Variants in CELF2 observed in about 807,000 individuals in gnomAD.
CELF2 encodes CUGBP Elav-like family member 2.
CELF2 carries 8 observed loss-of-function variants against 62.6 expected under a neutral mutation model. That is an observed-to-expected ratio of 0.13 (90% confidence interval 0.07 to 0.23). CELF2 has a LOEUF of 0.23. Among genes scored for constraint, CELF2 ranks in the 10% least tolerant of loss-of-function variants. CELF2 has a pLI of 1.00. For synonymous variants in CELF2, 258 were observed against 250.0 expected, an observed-to-expected ratio of 1.03 and a Z score of -0.30; for missense variants, 333 against 671.0, an observed-to-expected ratio of 0.50 and a Z score of 5.56.
chr10:10,760,104 A>T, the CELF2 span, among the ~76,000 whole-genome samples: 1 of 152,066 alleles, frequency 6.6e-6, no homozygotes, highest in Non-Finnish European at 1.5e-5. Context: ...GGGTTTCATC[A>T]TGTTGGCCAG....
chr10:11,321,533 A>G lies in CELF2; in HGVS notation c.1294+147A>G, dbSNP rs1216821016. On this transcript the variant is annotated intron_variant, in intron 11 of 12. Transcript: ENST00000633077. This position sits in a 1 kb window ranked among gnomAD's most constrained non-coding sequence, Gnocchi z 6.2. ...TTATTCATGTTTAAAAAAAAAAAAA[A>G]CTGAAAGCTGGGCATGGTGGCATAC... 2 of 618,746 alleles carry G rather than the reference A, an allele frequency of 3.2e-6. No homozygotes were observed. Among genetic ancestry groups the G allele is most frequent in the Non-Finnish European group, 5.4e-6 (2 of 368,930 alleles). 38.3% of individuals were successfully genotyped at this position (618,746 alleles called of 1,614,324 possible). A position where few individuals can be genotyped will look rare whatever the true frequency, so the allele number is the denominator to read the frequency against.
chr10:10,679,805 T>G, the CELF2 span, among the ~76,000 whole-genome samples: 1 of 152,180 alleles, frequency 6.6e-6, no homozygotes, highest in Admixed American at 6.5e-5. Context: ...CATTGAAAAA[T>G]ACACGATAAA....
chr10:11,125,842 G>C (rs1750726), intron 1 of CELF2, among the ~76,000 whole-genome samples: 1 of 151,968 alleles, frequency 6.6e-6, no homozygotes, highest in Admixed American at 6.6e-5. Flanking sequence ...TATGTCTGCT[G>C]TTTTTCAAAC....
chr10:11,016,032 GA>G (rs547190360), upstream of CELF2, among the ~76,000 whole-genome samples: 13 of 152,230 alleles, frequency 8.5e-5, no homozygotes, highest in African/African-American at 3.1e-4. This position sits in a 1 kb window ranked among gnomAD's most constrained non-coding sequence, Gnocchi z 5.2. Flanking sequence ...TTCTGTTTTG[GA>G]GGCCAAGTCT....
At chr10:11,173,387 G>A (rs2069671638) in intron 2 of CELF2, among the ~76,000 whole-genome samples, 1 of 152,188 alleles carries the variant, frequency 6.6e-6, no homozygotes, top group Admixed American at 6.5e-5. Context: ...AGGCATTCGG[G>A]TTGAAAGGTT....
At chr10:10,600,757 T>A in the CELF2 span, among the ~76,000 whole-genome samples, 1 of 152,164 alleles carries the variant, frequency 6.6e-6, no homozygotes, top group Admixed American at 6.5e-5. Flanking sequence ...TATGTCAAGC[T>A]CAATACATAA....
rs1292298641 is a variant in CELF2 at position 10,990,358 on chromosome 10, G to A, written c.89+70359G>A. On this transcript the variant is annotated intron_variant, in intron 2 of 13. Coordinates refer to the CELF2 transcript ENST00000636488. This position sits in a 1 kb window ranked among gnomAD's most constrained non-coding sequence, Gnocchi z 4.6. ...TATATGGATTGAAAATGACTAAAAG[G>A]AAATATTACCAAAAGTTAAACAATT... is the stretch of plus-strand genomic sequence containing the variant. 6.6e-6 allele frequency among the ~76,000 whole-genome samples: 1 copy of A among 151,976 alleles called. No individual in the cohort carries two copies. Among genetic ancestry groups the A allele is most frequent in the Non-Finnish European group, 1.5e-5 (1 of 67,962 alleles).
rs548310037 is a variant in CELF2, at chr10:11,211,597, C to T, written c.272-5828C>T. On this transcript the variant is annotated intron_variant, in intron 2 of 12. Coordinates refer to ENST00000633077, the MANE Select transcript of CELF2 (RefSeq NM_001326342.2). This position sits in a 1 kb window ranked among gnomAD's most constrained non-coding sequence, Gnocchi z 4.8. ...TTTTTTTTCCTGTGAGTATTATTAC[C>T]CAGAGTTTCCAAGTAAAGATTTTCA... Among the ~76,000 whole-genome samples, 1 of 152,076 alleles carries T rather than the reference C, an allele frequency of 6.6e-6. No individual in the cohort carries two copies. The highest frequency in any genetic ancestry group is 2.4e-5 in the African/African-American group (1 of 41,480).
At chr10:10,926,073 G>A (rs1013028429) in intron 2 of CELF2, among the ~76,000 whole-genome samples, 10 of 152,078 alleles carry the variant, frequency 6.6e-5, no homozygotes, top group South Asian at 2.1e-4. Context: ...GAAAAGCCTC[G>A]GTAGTTACAG....
chr10:10,883,543 C>T (rs530385923), intron 1 of CELF2, among the ~76,000 whole-genome samples: 10 of 152,214 alleles, frequency 6.6e-5, no homozygotes, highest in South Asian at 6.2e-4. Context: ...TGCTGCCACC[C>T]GGAATGGCAT....
At chr10:10,920,711 G>A (rs1386680785) in intron 2 of CELF2, among the ~76,000 whole-genome samples, 1 of 149,384 alleles carries the variant, frequency 6.7e-6, no homozygotes, top group African/African-American at 2.5e-5. Context: ...AAGAAGGAAG[G>A]AAGGAGGAAG....
chr10:11,328,831 G>A lies in CELF2; in HGVS notation c.1439-95G>A. 7.0e-7 allele frequency: 1 copy of A among 1,430,386 alleles called. No individual in the cohort carries two copies. Among genetic ancestry groups the A allele is most frequent in the Non-Finnish European group, 9.4e-7 (1 of 1,060,546 alleles). 88.6% of individuals were successfully genotyped at this position (1,430,386 alleles called of 1,614,324 possible). A position where few individuals can be genotyped will look rare whatever the true frequency, so the allele number is the denominator to read the frequency against. On this transcript the variant is annotated intron_variant, in intron 12 of 12. Transcript: ENST00000633077. The surrounding 1 kb of genome is among the most constrained non-coding windows in gnomAD (Gnocchi z 6.4). ...TGGGCCCGTGGGGCTGGCACCTCATGCTGGCTCTTCAGCCTTCCCCAGAGC... is the reference window on the plus strand; with the variant it reads ...TGGGCCCGTGGGGCTGGCACCTCATACTGGCTCTTCAGCCTTCCCCAGAGC...
the CELF2 span, among the ~76,000 whole-genome samples, chr10:10,690,661 C>T: frequency 1.3e-5 from 2 of 152,128 alleles, no homozygotes; most frequent in African/African-American, 2.4e-5. Flanking sequence ...GGGCAGATCA[C>T]TTGAGGTCAG....
In CELF2 at chr10:11,319,425, C is replaced by T. The variant is rs1413861508; in HGVS notation, c.1097-1764C>T. On this transcript the variant is annotated intron_variant, in intron 10 of 12. Coordinates refer to ENST00000633077, the MANE Select transcript of CELF2 (RefSeq NM_001326342.2). This position sits in a 1 kb window ranked among gnomAD's most constrained non-coding sequence, Gnocchi z 4.4. ...TAACAGGGACAGAGGGGAAGCACAG[C>T]GGCAGGGAGGTGGCCGCGATTTGCT... Among the ~76,000 whole-genome samples the T allele has an allele frequency of 4.6e-5, 7 of 152,062 alleles. No individual in the cohort carries two copies. Among genetic ancestry groups the T allele is most frequent in the African/African-American group, 7.3e-5 (3 of 41,340 alleles).
the CELF2 span, among the ~76,000 whole-genome samples, chr10:10,657,825 T>A: frequency 2.0e-5 from 3 of 152,346 alleles, no homozygotes; most frequent in South Asian, 6.2e-4. Context: ...ATATGCTTTA[T>A]GTCTTTTTAA....
chr10:11,156,428 A>G lies in CELF2; in HGVS notation c.75-9058A>G, dbSNP rs949554755. Reference sequence around the variant, plus strand: ...CGTCCAGACGAGGCCTTCCCTGACCACCTTATTTAATATTGCAGCCCTCTT... The same window carrying G: ...CGTCCAGACGAGGCCTTCCCTGACCGCCTTATTTAATATTGCAGCCCTCTT... On this transcript the variant is annotated intron_variant, in intron 1 of 12. Transcript: ENST00000633077. This position sits in a 1 kb window ranked among gnomAD's most constrained non-coding sequence, Gnocchi z 4.3. 6.6e-6 allele frequency among the ~76,000 whole-genome samples: 1 copy of G among 152,052 alleles called. No homozygotes were observed. The highest frequency in any genetic ancestry group is 2.4e-5 in the African/African-American group (1 of 41,386).
At chr10:10,711,818 G>T in the CELF2 span, among the ~76,000 whole-genome samples, 1 of 152,264 alleles carries the variant, frequency 6.6e-6, no homozygotes, top group East Asian at 1.9e-4. Flanking sequence ...GAAGGTGGAG[G>T]TTGCAGTGAG....
In CELF2 at chr10:11,319,074, C is replaced by T. The variant is rs762469769; in HGVS notation, c.1097-2115C>T. 1 of 470,548 alleles carries T rather than the reference C, an allele frequency of 2.1e-6. No individual in the cohort carries two copies. The highest frequency in any genetic ancestry group is 4.4e-6 in the Non-Finnish European group (1 of 227,062). 29.1% of individuals were successfully genotyped at this position (470,548 alleles called of 1,614,324 possible). The stretch of plus-strand genomic sequence containing the variant: ...GCAGGCTGCGAGGCACACCCAGAAC[C>T]TCATGCCTTGAGATCCAAGCAGAGC... On this transcript the variant is annotated intron_variant, in intron 10 of 12. Transcript: ENST00000633077. This position sits in a 1 kb window ranked among gnomAD's most constrained non-coding sequence, Gnocchi z 4.4.
the CELF2 span, among the ~76,000 whole-genome samples, chr10:10,614,375 A>G: frequency 6.6e-6 from 1 of 152,032 alleles, no homozygotes; most frequent in Non-Finnish European, 1.5e-5. Context: ...AATTCTCCCA[A>G]TCCCTATAAG....
Sources: gnomAD v4.1 joint callset for allele counts (sites outside exome capture counted in the v4.1 genomes callset) on GRCh38, gnomAD v4.1.1 for gene constraint, Gnocchi (gnomAD v3.1) non-coding constraint, MANE v1.5 for transcripts, NCBI Gene and HGNC (gene_info 2026-07-23, HGNC 2026-07-21) for gene names.